The following TMEM117 variants were observed in gnomAD, a reference collection of about 807,000 sequenced individuals.
The protein encoded by TMEM117 is transmembrane protein 117.
A neutral mutation model predicts 52.4 loss-of-function variants in TMEM117; 27 were observed. The ratio of observed to expected loss-of-function variants is 0.51; its 90% CI spans 0.38 to 0.71. TMEM117 has a LOEUF of 0.71. Among genes scored for constraint, TMEM117 ranks in the 30% least tolerant of loss-of-function variants. TMEM117 has a pLI of 0.00. For synonymous variants in TMEM117, 215 were observed against 206.3 expected (o/e 1.04, Z -0.36); for missense variants, 556 against 630.5 (o/e 0.88, Z 1.26).
intron 3 of TMEM117, among the ~76,000 whole-genome samples, chr12:44,100,773 A>G (rs559119468): frequency 6.6e-6 from 1 of 152,100 alleles, no homozygotes; most frequent in East Asian, 1.9e-4. Context: ...TCCAGTGCTT[A>G]ATAAAAGTAC....
At chr12:44,155,164 A>G (rs1948809402) in intron 4 of TMEM117, among the ~76,000 whole-genome samples, 1 of 152,168 alleles carries the variant, frequency 6.6e-6, no homozygotes, top group South Asian at 2.1e-4. Flanking sequence ...TAAATATTTT[A>G]TCAAATTTTG....
chr12:44,151,977 A>G (rs1291774857), intron 4 of TMEM117, among the ~76,000 whole-genome samples: 55 of 114,944 alleles, frequency 4.8e-4, no homozygotes, highest in Non-Finnish European at 7.7e-4. Flanking sequence ...ATAAGTATAT[A>G]TTTATATATA....
At chr12:44,074,957 T>C (rs1055719287) in intron 3 of TMEM117, among the ~76,000 whole-genome samples, 4 of 152,184 alleles carry the variant, frequency 2.6e-5, no homozygotes, top group Admixed American at 6.5e-5. Context: ...CCAATGTACA[T>C]GAATGCATTA....
chr12:43,974,699 A>T (rs1327595679), intron 3 of TMEM117, among the ~76,000 whole-genome samples: 1 of 152,118 alleles, frequency 6.6e-6, no homozygotes, highest in Non-Finnish European at 1.5e-5. Context: ...GATGTCTGTT[A>T]TTCCAGTTAT....
At chr12:44,234,414 A>G (rs1340735461) in intron 5 of TMEM117, among the ~76,000 whole-genome samples, 2 of 151,326 alleles carry the variant, frequency 1.3e-5, no homozygotes, top group African/African-American at 4.8e-5. Flanking sequence ...TTCTCTTAGT[A>G]TCTTTAGAGT....
the TMEM117 span, among the ~76,000 whole-genome samples, chr12:43,821,432 C>G: frequency 7.9e-5 from 12 of 152,252 alleles, no homozygotes; most frequent in East Asian, 1.9e-3. Flanking sequence ...AGGCACACAC[C>G]ACCAGACCTG....
rs1181104130 is a variant in TMEM117, at chr12:43,868,207, C to T, written c.277+23279C>T. Among the ~76,000 whole-genome samples, 7 of 150,872 alleles carry T rather than the reference C, an allele frequency of 4.6e-5. No homozygotes were observed. The South Asian group carries it at 6.4e-4, about 14-fold the overall frequency. On this transcript the variant is annotated intron_variant, in intron 2 of 7. Transcript: ENST00000266534. ...CTCCCTCCACCCAACCCCCGCCCCCCGCCAATTCTCTTTCTCTCTCCAAAT... is the reference window on the plus strand; with the variant it reads ...CTCCCTCCACCCAACCCCCGCCCCCTGCCAATTCTCTTTCTCTCTCCAAAT...
intron 3 of TMEM117, among the ~76,000 whole-genome samples, chr12:44,037,645 C>T (rs143973813): frequency 1.3e-5 from 2 of 152,262 alleles, no homozygotes; most frequent in East Asian, 3.9e-4. Context: ...CCACCCATGG[C>T]CACCCATGAA....
the TMEM117 span, among the ~76,000 whole-genome samples, chr12:43,818,005 A>T: frequency 6.6e-6 from 1 of 152,188 alleles, no homozygotes; most frequent in African/African-American, 2.4e-5. Context: ...TAGCACAGGT[A>T]TATACTTGCA....
At chr12:43,930,443 C>T (rs1369171899) in intron 2 of TMEM117, among the ~76,000 whole-genome samples, 1 of 152,182 alleles carries the variant, frequency 6.6e-6, no homozygotes, top group African/African-American at 2.4e-5. Flanking sequence ...GACACTGCCT[C>T]AAGCTCTAAG....
chr12:43,806,222 T>C, the TMEM117 span: 1 of 1,540,486 alleles, frequency 6.5e-7, no homozygotes, highest in Non-Finnish European at 8.7e-7. Flanking sequence ...CGCTGTTACC[T>C]TGGATGCCGG....
chr12:43,887,239 A>C (rs574443994), intron 2 of TMEM117, among the ~76,000 whole-genome samples: 1 of 152,298 alleles, frequency 6.6e-6, no homozygotes, highest in African/African-American at 2.4e-5. Context: ...GCCTGGGACA[A>C]AGCTAGAATC....
At chr12:43,864,772 A>C (rs1474044055) in intron 2 of TMEM117, among the ~76,000 whole-genome samples, 12 of 152,264 alleles carry the variant, frequency 7.9e-5, no homozygotes, top group African/African-American at 2.9e-4. Flanking sequence ...AAGAGAATAA[A>C]AGCAGGCTGC....
intron 3 of TMEM117, among the ~76,000 whole-genome samples, chr12:44,044,258 C>T (rs140064242): frequency 2.0e-5 from 3 of 152,228 alleles, no homozygotes; most frequent in East Asian, 3.9e-4. Flanking sequence ...TTTGGCAGGC[C>T]CCCACAGGTG....
intron 2 of TMEM117, among the ~76,000 whole-genome samples, chr12:43,935,096 C>T (rs1004456814): frequency 2.6e-5 from 4 of 152,290 alleles, no homozygotes; most frequent in Admixed American, 6.5e-5. Context: ...CAGCCTCAAC[C>T]TCCTTGGGCT....
At chr12:44,337,052 C>A (rs1178123451) in intron 6 of TMEM117, among the ~76,000 whole-genome samples, 1 of 151,956 alleles carries the variant, frequency 6.6e-6, no homozygotes, top group African/African-American at 2.4e-5. Flanking sequence ...TATTCCTTTG[C>A]AGTTGGGGAA....
downstream of TMEM117, among the ~76,000 whole-genome samples, chr12:44,392,737 T>C (rs560621155): frequency 5.5e-4 from 79 of 144,870 alleles, 1 homozygote; most frequent in African/African-American, 1.9e-3. Context: ...TGTGTTCTCA[T>C]TGTTCAGTTC....
chr12:44,167,508 A>T (rs1362330816), intron 4 of TMEM117, among the ~76,000 whole-genome samples: 1 of 152,072 alleles, frequency 6.6e-6, no homozygotes, highest in South Asian at 2.1e-4. Context: ...CTCTACTAAA[A>T]ATACAAAAAA....
chr12:43,869,861 C>T (rs188361014), intron 2 of TMEM117, among the ~76,000 whole-genome samples: 2 of 152,244 alleles, frequency 1.3e-5, no homozygotes, highest in East Asian at 1.9e-4. Context: ...ATCCCATCAC[C>T]CAGGTATTAA....
Sources: gnomAD v4.1 joint callset for allele counts (sites outside exome capture counted in the v4.1 genomes callset) on GRCh38, gnomAD v4.1.1 for gene constraint, MANE v1.5 for transcripts, NCBI Gene and HGNC (gene_info 2026-07-23, HGNC 2026-07-21) for gene names.